ZP1: variants seen among roughly 807,000 people sequenced by gnomAD.
ZP1 encodes zona pellucida glycoprotein 1.
In ZP1, 58 loss-of-function variants were observed where a neutral mutation model predicts 67.4. That is an observed-to-expected ratio of 0.86 (90% CI 0.70 to 1.07). The LOEUF (loss-of-function observed/expected upper bound fraction) is 1.07. Among genes scored for constraint, ZP1 ranks in the 50% least tolerant of loss-of-function variants. The pLI is 0.00. For synonymous variants in ZP1, 333 were observed against 332.7 expected (o/e 1.00, Z -0.01); for missense variants, 759 against 807.3 (o/e 0.94, Z 0.72).
At chr11:60,868,685 G>T (rs1590590067) in intron 1 of ZP1, among the ~76,000 whole-genome samples, 1 of 152,318 alleles carries the variant, frequency 6.6e-6, no homozygotes, top group East Asian at 1.9e-4. Flanking sequence ...GTTAACCTGG[G>T]AAATGGGTTC....
chr11:60,869,744 G>C lies in ZP1; in HGVS notation c.526G>C (p.Gly176Arg), dbSNP rs190415130. ...PTSGHTSQGSGHAFPSPLDPG... is the reference protein window; with the variant it reads ...PTSGHTSQGSRHAFPSPLDPG... ...CTCTGGCCATACCTCCCAAGGCTCT[G>C]GCCATGCCTTTCCCAGCCCACTGGA... The change falls in exon 3 of 12, where the codon GGC (glycine) becomes CGC (arginine). Residue 176 changes from glycine (G) to arginine (R), a missense_variant. Transcript: ENST00000278853. The C allele has an allele frequency of 1.2e-6, 2 of 1,613,968 alleles. No individual in the cohort carries two copies. Among genetic ancestry groups the C allele is most frequent in the South Asian group, 2.2e-5 (2 of 91,042 alleles).
chr11:60,872,542 G>A lies in ZP1; in HGVS notation c.1113-620G>A, dbSNP rs76882165. ...CCACCATGGCCCTTAGGCTAGTGAGGAAGATGCTAGACACTGTGGCCTTTA... is the reference window on the plus strand; with the variant it reads ...CCACCATGGCCCTTAGGCTAGTGAGAAAGATGCTAGACACTGTGGCCTTTA... On this transcript the variant is annotated intron_variant, in intron 6 of 11. Transcript: ENST00000278853. 8.7e-3 allele frequency among the ~76,000 whole-genome samples: 1,332 copies of A among 152,310 alleles called. 15 individuals carry two copies. Among genetic ancestry groups the A allele is most frequent in the South Asian group, 0.045 (218 of 4,830 alleles).
rs1458752965 is a variant in ZP1 at position 60,873,437 on chromosome 11, C to G, written c.1303C>G (p.Pro435Ala). The G allele has an allele frequency of 6.2e-7, 1 of 1,613,328 alleles. No individual in the cohort carries two copies. Among genetic ancestry groups the G allele is most frequent in the Admixed American group, 1.7e-5 (1 of 60,018 alleles). Residue 435 changes from proline to alanine, a missense_variant, in exon 8 of 12, where the codon CCA becomes GCA. By Grantham distance (27) the Pro-to-Ala change is conservative. Coordinates refer to ENST00000278853, the MANE Select transcript of ZP1 (RefSeq NM_207341.4). Reference protein sequence around the residue: ...DYPIVRLLREPVHVEVRLLQR... With the variant: ...DYPIVRLLREAVHVEVRLLQR... ...TCCCATCGTGAGGCTGCTCCGAGAA[C>G]CAGTCCATGTGGAGGTCCGGCTTCT...
chr11:60,874,787 A>G, intron 9 of ZP1, 146 bp from the exon 10 acceptor site: 1 of 708,312 alleles, frequency 1.4e-6, no homozygotes, highest in Non-Finnish European at 2.5e-6. Context: ...AGCAGTCATC[A>G]TCTTGGTCAA....
intron 6 of ZP1, 116 bp downstream of exon 6, chr11:60,871,430 C>T (rs531917813): frequency 4.7e-5 from 55 of 1,161,380 alleles, no homozygotes; most frequent in Middle Eastern, 5.6e-4. Context: ...TGCTGTTACC[C>T]GGCTATGTGA....
Position 60,869,841 on chromosome 11 carries a change from T to C in ZP1, c.623T>C (p.Leu208Pro), listed in dbSNP as rs1855533438. The C allele has an allele frequency of 5.0e-6, 8 of 1,602,246 alleles. No homozygotes were observed. Among genetic ancestry groups the C allele is most frequent in the Non-Finnish European group, 6.8e-6 (8 of 1,173,468 alleles). ...SPGPGPTLAT[L>P]AQPHWGTLEH... ...GGACCTGGACCTACCCTCGCCACCC[T>C]GGCTCAACCCCACTGGGGCACCTTG... Residue 208 changes from leucine to proline, a missense_variant, in exon 3 of 12, where the codon CTG (leucine) becomes CCG (proline). By Grantham distance (98) the Leu-to-Pro change is moderately conservative. Transcript: ENST00000278853.
intron 4 of ZP1, 91 bp downstream of exon 4, chr11:60,870,566 A>G (rs1219492136): frequency 1.5e-5 from 22 of 1,496,448 alleles, no homozygotes; most frequent in South Asian, 8.3e-5. Context: ...ACTGCTTCCT[A>G]TCCTCCTCCT....
chr11:60,874,972 G>C lies in ZP1; in HGVS notation c.1612G>C (p.Gly538Arg). The C allele has an allele frequency of 6.2e-7, 1 of 1,614,264 alleles. No individual in the cohort carries two copies. The highest frequency in any genetic ancestry group is 8.5e-7 in the Non-Finnish European group (1 of 1,180,044). Residue 538 changes from glycine (G) to arginine (R), a missense_variant, in exon 10 of 12, where the codon GGG (glycine) becomes CGG (arginine). Physicochemically the swap from Gly to Arg is moderately radical, Grantham distance 125 (BLOSUM62 -2). Transcript: ENST00000278853. ...FCSTSACHTS[G>R]LETCSTACST... ...CAGCACCTCTGCCTGCCACACCTCA[G>C]GGCTGGAGACTTGCTCCACTGCATG...
rs771606155 is a variant in ZP1, at chr11:60,871,139, A to G, written c.1009A>G (p.Met337Val). Residue 337 changes from methionine (M) to valine (V), a missense_variant, in exon 5 of 12, where the codon ATG becomes GTG. By Grantham distance (21) the Met-to-Val change is conservative. Transcript: ENST00000278853. Reference protein sequence around the residue: ...YFPLTHCGTTMQVAGDQLIYE... With the variant: ...YFPLTHCGTTVQVAGDQLIYE... ...CCCTCTCACCCACTGTGGAACCACAATGCAGGTAGGAGCCGGGACCACAGG... is the reference window on the plus strand; with the variant it reads ...CCCTCTCACCCACTGTGGAACCACAGTGCAGGTAGGAGCCGGGACCACAGG... The G allele has an allele frequency of 3.7e-6, 6 of 1,613,956 alleles. No homozygotes were observed. The African/African-American group carries it at 5.3e-5, about 14-fold the overall frequency.
chr11:60,869,358 A>G, intron 2 of ZP1, 92 bp downstream of exon 2: 1 of 1,562,032 alleles, frequency 6.4e-7, no homozygotes, highest in East Asian at 2.3e-5. Context: ...AAGGAGCCAA[A>G]GCCGAAGATC....
chr11:60,868,030 ATTTCT>A (rs1474492854), intron 1 of ZP1, among the ~76,000 whole-genome samples: 2 of 112,320 alleles, frequency 1.8e-5, no homozygotes, highest in African/African-American at 6.9e-5. Context: ...AAGCCTCTGC[ATTTCT>A]TTTCTTTTTT....
Position 60,869,764 on chromosome 11 carries a change from A to G in ZP1, c.546A>G (p.Pro182=). 1 of 1,613,798 alleles carries G rather than the reference A, an allele frequency of 6.2e-7. No homozygotes were observed. Among genetic ancestry groups the G allele is most frequent in the Non-Finnish European group, 8.5e-7 (1 of 1,179,944 alleles). Residue 182 remains proline, a synonymous_variant, in exon 3 of 12, where the codon CCA becomes CCG. Coordinates refer to ENST00000278853, the MANE Select transcript of ZP1 (RefSeq NM_207341.4). ...GCTCTGGCCATGCCTTTCCCAGCCC[A>G]CTGGACCCAGGGCACAGCTCTGTCC... ...SQGSGHAFPS[P]LDPGHSSVHP... is the part of the protein sequence containing the mutation.
chr11:60,869,673 C>T lies in ZP1; in HGVS notation c.455C>T (p.Ala152Val). The change falls in exon 3 of 12, where the codon GCC becomes GTC. Residue 152 changes from alanine (A) to valine (V), a missense_variant. Coordinates refer to ENST00000278853, the MANE Select transcript of ZP1 (RefSeq NM_207341.4). ...RTLDSQLAPP[A>V]MFSVSTPQTL... The stretch of plus-strand genomic sequence containing the variant: ...CTGGACTCCCAGCTGGCACCACCCG[C>T]CATGTTCTCTGTCTCAACCCCACAA... 6.2e-7 allele frequency: 1 copy of T among 1,614,176 alleles called. No individual in the cohort carries two copies. Among genetic ancestry groups the T allele is most frequent in the South Asian group, 1.1e-5 (1 of 91,076 alleles).
chr11:60,870,183 A>T, intron 3 of ZP1, 149 bp from the exon 4 acceptor site: 1 of 863,840 alleles, frequency 1.2e-6, no homozygotes, highest in Non-Finnish European at 1.7e-6. Context: ...AATATTCTCT[A>T]GAAATTTCAG....
Position 60,869,211 on chromosome 11 carries a change from C to A in ZP1, c.263C>A (p.Pro88Gln), listed in dbSNP as rs1001775590. ...SICYHWVTSR[P>Q]QEPAVFSADY... is the part of the protein sequence containing the mutation. The stretch of plus-strand genomic sequence containing the variant: ...TGCTACCACTGGGTCACCTCCAGGC[C>A]GCAGGAGCCTGCAGTCTTCTCGGCC... Residue 88 changes from proline to glutamine, a missense_variant, in exon 2 of 12, where the codon CCG (proline) becomes CAG (glutamine). Coordinates refer to ENST00000278853, the MANE Select transcript of ZP1 (RefSeq NM_207341.4). 6.2e-7 allele frequency: 1 copy of A among 1,614,032 alleles called. No homozygotes were observed. Among genetic ancestry groups the A allele is most frequent in the Admixed American group, 1.7e-5 (1 of 59,996 alleles).
intron 9 of ZP1, 68 bp from the exon 10 acceptor site, chr11:60,874,865 C>T (rs1855669975): frequency 1.3e-6 from 2 of 1,508,014 alleles, no homozygotes. Flanking sequence ...GATTCCATGT[C>T]CTTCCCTTTG....
Position 60,873,478 on chromosome 11 carries a change from C to T in ZP1, c.1344C>T (p.Pro448=), listed in dbSNP as rs143715728. ...TCCGGCTTCTGCAGAGGACAGACCC[C>T]AACCTGGTCCTGCTGCTGCACCAGT... ...VEVRLLQRTD[P]NLVLLLHQCW... Residue 448 remains proline (P), a synonymous_variant, in exon 8 of 12, where the codon CCC becomes CCT. Coordinates refer to ENST00000278853, the MANE Select transcript of ZP1 (RefSeq NM_207341.4). The T allele has an allele frequency of 9.3e-6, 15 of 1,613,628 alleles. No individual in the cohort carries two copies. The African/African-American group carries it at 2.0e-4, about 22-fold the overall frequency.
Position 60,869,603 on chromosome 11 carries a change from C to T in ZP1, c.385C>T (p.Gln129Ter), listed in dbSNP as rs1402253427. The change falls in exon 3 of 12, where the codon CAA (glutamine) becomes TAA (stop). Residue 129 changes from glutamine (Q) to a stop codon, truncating the protein, a stop_gained. Transcript: ENST00000278853. LOFTEE classifies it high-confidence loss of function. ...VLPNGRVDVA[Q>*]DATLICPKPD... ...GCCCAATGGTCGTGTGGATGTGGCA[C>T]AAGACGCTACTCTGATCTGTCCCAA... 1.2e-6 allele frequency: 2 copies of T among 1,614,002 alleles called. No individual in the cohort carries two copies. Among genetic ancestry groups the T allele is most frequent in the Non-Finnish European group, 8.5e-7 (1 of 1,179,948 alleles).
chr11:60,869,092 A>G, intron 1 of ZP1, 53 bp from the exon 2 acceptor site: 1 of 1,606,884 alleles, frequency 6.2e-7, no homozygotes, highest in South Asian at 1.1e-5. Flanking sequence ...GACCCCAGCA[A>G]CCTCTCCCTG....
Sources: allele counts gnomAD v4.1 joint callset (sites outside exome capture counted in the v4.1 genomes callset), GRCh38; gene constraint gnomAD v4.1.1; transcripts MANE v1.5; gene names NCBI Gene and HGNC (gene_info 2026-07-23, HGNC 2026-07-21).